Variants in CCDC170 observed in about 807,000 individuals in gnomAD.
CCDC170 encodes coiled-coil domain-containing protein 170.
CCDC170 carries 69 observed loss-of-function variants against 72.6 expected under a neutral mutation model. That is an observed-to-expected ratio of 0.95 (90% CI 0.78 to 1.16). The LOEUF (loss-of-function observed/expected upper bound fraction) is 1.16, where lower values mean the gene tolerates loss of function less well. Ranked by LOEUF, CCDC170 falls within the 50% of genes most tolerant of loss-of-function variation. CCDC170 has a pLI of 0.00. For missense variants in CCDC170, 852 were observed against 832.5 expected, an observed-to-expected ratio of 1.02 and a Z score of -0.29; for synonymous variants, 300 against 303.9, an observed-to-expected ratio of 0.99 and a Z score of 0.13.
intron 1 of CCDC170, among the ~76,000 whole-genome samples, chr6:151,499,764 A>G (rs867262790): frequency 9.3e-5 from 14 of 150,234 alleles, no homozygotes; most frequent in African/African-American, 2.5e-4. Flanking sequence ...ATGATGTAAC[A>G]TGTATCAGAA....
At chr6:151,572,155 T>C (rs776583472) in intron 5 of CCDC170, among the ~76,000 whole-genome samples, 26 of 152,268 alleles carry the variant, frequency 1.7e-4, no homozygotes, top group Admixed American at 5.9e-4. Flanking sequence ...GCCCAGCCCA[T>C]ATTATATTCT....
At chr6:151,507,632 A>G (rs953604826) in intron 1 of CCDC170, among the ~76,000 whole-genome samples, 4 of 152,152 alleles carry the variant, frequency 2.6e-5, no homozygotes, top group Admixed American at 2.0e-4. Context: ...GAAAACATTG[A>G]TAAATATTGG....
Position 151,494,061 on chromosome 6 carries a change from G to A in CCDC170, c.-68G>A. On this transcript the variant is annotated 5_prime_UTR_variant, in exon 1 of 11. Coordinates refer to ENST00000239374, the MANE Select transcript of CCDC170 (RefSeq NM_025059.4). ...CGAGGAGACACCCGCGCCACCCGCC[G>A]GCTCCCGGCGCCGCCGCTTCCTCAG... The A allele has an allele frequency of 7.1e-7, 1 of 1,403,650 alleles. No homozygotes were observed. The highest frequency in any genetic ancestry group is 9.3e-7 in the Non-Finnish European group (1 of 1,079,020). The allele number at this position is 1,403,650 out of a possible 1,614,324, so 86.9% of individuals were successfully genotyped here. A position where few individuals can be genotyped will look rare whatever the true frequency, so the allele number is the denominator to read the frequency against.
At chr6:151,523,127 GT>G (rs1782348180) in intron 1 of CCDC170, among the ~76,000 whole-genome samples, 1 of 152,158 alleles carries the variant, frequency 6.6e-6, no homozygotes, top group South Asian at 2.1e-4. Context: ...CTTCTCATGT[GT>G]TTACAAAATG....
intron 8 of CCDC170, among the ~76,000 whole-genome samples, chr6:151,594,705 G>A (rs928617681): frequency 1.3e-5 from 2 of 151,452 alleles, no homozygotes; most frequent in Non-Finnish European, 2.9e-5. Context: ...AGGCTGGAGT[G>A]CAATGGTGCG....
At chr6:151,517,434 CTT>C (rs377256935) in intron 1 of CCDC170, among the ~76,000 whole-genome samples, 19 of 139,310 alleles carry the variant, frequency 1.4e-4, no homozygotes, top group Admixed American at 3.6e-4. Flanking sequence ...TCTTCTTCTT[CTT>C]TTTTTTTTTT....
At chr6:151,593,011 T>C (rs1776565501) in intron 7 of CCDC170, 96 bp from the exon 8 acceptor site, 2 of 1,318,234 alleles carry the variant, frequency 1.5e-6, no homozygotes, top group Admixed American at 1.9e-5. Context: ...AAAGGAGAAT[T>C]ACCTGTAAGC....
chr6:151,498,407 C>T (rs1781941337), intron 1 of CCDC170, among the ~76,000 whole-genome samples: 1 of 152,186 alleles, frequency 6.6e-6, no homozygotes, highest in Non-Finnish European at 1.5e-5. Context: ...ATATAAAATA[C>T]ATATAACATA....
At chr6:151,532,975 C>T (rs1227525964) in intron 1 of CCDC170, among the ~76,000 whole-genome samples, 9 of 152,134 alleles carry the variant, frequency 5.9e-5, no homozygotes, top group Admixed American at 6.5e-5. Flanking sequence ...AGATCCCTGC[C>T]GCAGGGCCCT....
intron 1 of CCDC170, among the ~76,000 whole-genome samples, chr6:151,513,591 TAGAG>T (rs1782179917): frequency 1.0e-5 from 1 of 100,140 alleles, no homozygotes; most frequent in Non-Finnish European, 1.9e-5. Context: ...GCCTGGATGA[TAGAG>T]TGAGAGAGGC....
In CCDC170 at chr6:151,609,265, G is replaced by A. The variant is rs118012704; in HGVS notation, c.1711-6178G>A. Among the ~76,000 whole-genome samples, 10 of 152,244 alleles carry A rather than the reference G, an allele frequency of 6.6e-5. No individual in the cohort carries two copies. The East Asian group carries it at 1.9e-3, about 29-fold the overall frequency. On this transcript the variant is annotated intron_variant, in intron 9 of 10. Transcript: ENST00000239374. ...TGTGTCCTTTTCAAAGAGGGACACA[G>A]CATCTATTCGGGCCATCAAAAGAAT...
At chr6:151,553,945 T>A (rs9397428) in intron 5 of CCDC170, among the ~76,000 whole-genome samples, 1 of 152,004 alleles carries the variant, frequency 6.6e-6, no homozygotes, top group Admixed American at 6.6e-5. Flanking sequence ...CCAGAAGGAC[T>A]GCAGAAGTAG....
intron 9 of CCDC170, among the ~76,000 whole-genome samples, chr6:151,603,246 G>T (rs1490564307): frequency 2.6e-5 from 4 of 152,200 alleles, no homozygotes; most frequent in Non-Finnish European, 4.4e-5. Flanking sequence ...AGTTTGGCAT[G>T]TTTAAAGTTT....
At chr6:151,519,155 G>T (rs2115032014) in intron 1 of CCDC170, among the ~76,000 whole-genome samples, 1 of 152,152 alleles carries the variant, frequency 6.6e-6, no homozygotes, top group South Asian at 2.1e-4. Flanking sequence ...AGAGACCAGG[G>T]TGTATTTCAG....
chr6:151,611,081 T>C (rs938091082), intron 9 of CCDC170, among the ~76,000 whole-genome samples: 1 of 152,028 alleles, frequency 6.6e-6, no homozygotes, highest in African/African-American at 2.4e-5. Flanking sequence ...ATCAAGAACA[T>C]CTTGGCCAAC....
intron 9 of CCDC170, among the ~76,000 whole-genome samples, chr6:151,597,888 G>A (rs565834243): frequency 6.6e-6 from 1 of 152,312 alleles, no homozygotes; most frequent in South Asian, 2.1e-4. Flanking sequence ...TTTTTGGAAG[G>A]TTTCCGAATC....
At chr6:151,603,326 T>C (rs549774491) in intron 9 of CCDC170, among the ~76,000 whole-genome samples, 1 of 152,330 alleles carries the variant, frequency 6.6e-6, no homozygotes, top group African/African-American at 2.4e-5. Flanking sequence ...GTACCATGTG[T>C]TTTATTTTAA....
rs778422397 is a variant in CCDC170, at chr6:151,615,657, A to G, written c.1925A>G (p.Glu642Gly). ...EMKTLKKSLE[E>G]AEKREKQLAD... The stretch of plus-strand genomic sequence containing the variant: ...AAGACACTAAAAAAATCTCTGGAAG[A>G]AGCAGAAAAGAGAGAAAAGCAGGTG... Residue 642 changes from glutamate (E) to glycine (G), a missense_variant, in exon 10 of 11, where the codon GAA becomes GGA. Glu to Gly is a moderately conservative substitution (Grantham distance 98, BLOSUM62 -2). Transcript: ENST00000239374. 6.2e-7 allele frequency: 1 copy of G among 1,613,636 alleles called. No individual in the cohort carries two copies. Among genetic ancestry groups the G allele is most frequent in the Non-Finnish European group, 8.5e-7 (1 of 1,179,724 alleles).
At chr6:151,562,051 T>C (rs1427314002) in intron 5 of CCDC170, among the ~76,000 whole-genome samples, 4 of 152,190 alleles carry the variant, frequency 2.6e-5, no homozygotes, top group Non-Finnish European at 4.4e-5. Context: ...ACTTTAGTGA[T>C]TTTTTTCAAT....
Sources: allele counts gnomAD v4.1 joint callset (sites outside exome capture counted in the v4.1 genomes callset), GRCh38; gene constraint gnomAD v4.1.1; transcripts MANE v1.5; gene names NCBI Gene and HGNC (gene_info 2026-07-23, HGNC 2026-07-21).